Variants in UNC5B observed in about 807,000 individuals in gnomAD.
UNC5B encodes netrin receptor UNC5B.
In UNC5B, 56 loss-of-function variants were observed where a neutral mutation model predicts 103.7. That is an observed-to-expected ratio of 0.54 (90% CI 0.44 to 0.67). The LOEUF (loss-of-function observed/expected upper bound fraction) is 0.67, where lower values mean the gene tolerates loss of function less well. Ranked by LOEUF, UNC5B falls within the 30% of genes least tolerant of loss-of-function variation. UNC5B has a pLI of 0.00. For missense variants in UNC5B, 1,194 were observed against 1,284.5 expected (o/e 0.93, Z 1.08); for synonymous variants, 577 against 542.0 (o/e 1.06, Z -0.90).
At chr10:71,218,579 G>C (rs1405146460) in intron 1 of UNC5B, among the ~76,000 whole-genome samples, 1 of 152,238 alleles carries the variant, frequency 6.6e-6, no homozygotes, top group African/African-American at 2.4e-5. Flanking sequence ...AGGCCTGCCT[G>C]CAGGTGGGTC....
intron 1 of UNC5B, among the ~76,000 whole-genome samples, chr10:71,223,814 C>T (rs1046584296): frequency 4.0e-5 from 6 of 151,440 alleles, no homozygotes; most frequent in Non-Finnish European, 8.9e-5. Flanking sequence ...GACAACTGGC[C>T]GTGAGGCCTG....
intron 1 of UNC5B, among the ~76,000 whole-genome samples, chr10:71,266,708 A>G (rs1296516039): frequency 6.6e-6 from 1 of 152,212 alleles, no homozygotes; most frequent in African/African-American, 2.4e-5. Context: ...GCAGCCTGGA[A>G]GGTCCACTCA....
rs943093641 is a variant in UNC5B at position 71,212,803 on chromosome 10, CGA to C, written c.-181_-180del. 1 of 401,034 alleles carries C rather than the reference CGA, an allele frequency of 2.5e-6. No homozygotes were observed. The highest frequency in any genetic ancestry group is 4.2e-6 in the Non-Finnish European group (1 of 236,256). The allele number at this position is 401,034 out of a possible 1,614,324, so 24.8% of individuals were successfully genotyped here. On this transcript the variant is annotated 5_prime_UTR_variant, in exon 1 of 17. Transcript: ENST00000335350. The stretch of plus-strand genomic sequence containing the variant: ...CCGGCGCCAGGCACCCACCGCGCTC[CGA>C]GTGCCAGGCGGCCCTCCGCGCAGCG...
At chr10:71,296,083 C>G (rs762284261) in intron 14 of UNC5B, 123 bp downstream of exon 14, 1 of 1,371,042 alleles carries the variant, frequency 7.3e-7, no homozygotes, top group Non-Finnish European at 9.9e-7. Flanking sequence ...GGATCTCTCA[C>G]TGTCTCTGTC....
At chr10:71,265,200 T>C (rs1404876371) in intron 1 of UNC5B, among the ~76,000 whole-genome samples, 1 of 152,202 alleles carries the variant, frequency 6.6e-6, no homozygotes, top group Non-Finnish European at 1.5e-5. Flanking sequence ...CTGTAAATGG[T>C]AGCTGTTAAC....
chr10:71,244,687 G>A (rs1350546286), intron 1 of UNC5B, among the ~76,000 whole-genome samples: 1 of 152,226 alleles, frequency 6.6e-6, no homozygotes, highest in Non-Finnish European at 1.5e-5. Flanking sequence ...AGGAGGGAAG[G>A]CGGATCCTGA....
rs370490769 is a variant in UNC5B at position 71,280,053 on chromosome 10, C to G, written c.304+8C>G. On this transcript the variant is annotated splice_region_variant and intron_variant, in intron 2 of 16. Transcript: ENST00000335350. ...GCCTGGATGAGGCCACCGGTGAGCC[C>G]GCCCCACTTGCCTGGGCACCCCAGG... 230 of 1,612,904 alleles carry G rather than the reference C, an allele frequency of 1.4e-4. No homozygotes were observed. Among genetic ancestry groups the G allele is most frequent in the Non-Finnish European group, 1.8e-4 (214 of 1,179,900 alleles).
intron 2 of UNC5B, among the ~76,000 whole-genome samples, chr10:71,282,672 C>T (rs1392966532): frequency 6.6e-6 from 1 of 152,184 alleles, no homozygotes; most frequent in African/African-American, 2.4e-5. Context: ...GAAGCAGCCT[C>T]TTCCCTGGAT....
intron 1 of UNC5B, among the ~76,000 whole-genome samples, chr10:71,219,166 A>T (rs1028034560): frequency 2.0e-5 from 3 of 152,142 alleles, no homozygotes; most frequent in African/African-American, 7.2e-5. Context: ...GTGCAGTCTC[A>T]CTTTGTCCTT....
rs1438706772 is a variant in UNC5B, at chr10:71,293,936, A to G, written c.2175+3A>G. The G allele has an allele frequency of 1.3e-6, 2 of 1,589,514 alleles. No individual in the cohort carries two copies. Among genetic ancestry groups the G allele is most frequent in the South Asian group, 2.2e-5 (2 of 89,548 alleles). On this transcript the variant is annotated splice_donor_region_variant and intron_variant, in intron 13 of 16. Transcript: ENST00000335350. ...AGGACACGCCTGTAGCACTGAAGGT[A>G]GGGCCAGCTGCAGGTGCCCACACAG...
intron 1 of UNC5B, among the ~76,000 whole-genome samples, chr10:71,224,854 C>T (rs892992733): frequency 6.6e-6 from 1 of 152,138 alleles, no homozygotes; most frequent in African/African-American, 2.4e-5. Flanking sequence ...CTGATATTGC[C>T]TTCTTGACAT....
chr10:71,286,567 T>G (rs1845085792), intron 4 of UNC5B, 122 bp from the exon 5 acceptor site: 9 of 1,267,764 alleles, frequency 7.1e-6, no homozygotes, highest in Non-Finnish European at 1.0e-5. Context: ...AGTGCTATAG[T>G]CCCACCAAGG....
At chr10:71,221,927 T>C (rs1440701383) in intron 1 of UNC5B, among the ~76,000 whole-genome samples, 1 of 152,214 alleles carries the variant, frequency 6.6e-6, no homozygotes, top group Non-Finnish European at 1.5e-5. Flanking sequence ...GATTTGGGGA[T>C]AAATGAGATC....
At chr10:71,248,713 T>C (rs1564715651) in intron 1 of UNC5B, among the ~76,000 whole-genome samples, 1 of 152,128 alleles carries the variant, frequency 6.6e-6, no homozygotes, top group African/African-American at 2.4e-5. Context: ...CTCCTAGGCA[T>C]GCACTTTTAC....
intron 1 of UNC5B, among the ~76,000 whole-genome samples, chr10:71,253,884 G>C (rs1844231619): frequency 6.6e-6 from 1 of 152,086 alleles, no homozygotes. Flanking sequence ...GTTAAGATGG[G>C]GATCGCTGCA....
intron 15 of UNC5B, among the ~76,000 whole-genome samples, chr10:71,297,112 A>G (rs916779874): frequency 6.6e-6 from 1 of 152,118 alleles, no homozygotes; most frequent in African/African-American, 2.4e-5. Context: ...GGATACCTCT[A>G]GGGTTTGGGG....
intron 1 of UNC5B, among the ~76,000 whole-genome samples, chr10:71,233,780 C>G (rs895005839): frequency 2.0e-5 from 3 of 152,242 alleles, no homozygotes; most frequent in Non-Finnish European, 2.9e-5. Flanking sequence ...CAGCACCAGA[C>G]AGAAGCCTTT....
At chr10:71,262,709 A>G (rs1287455566) in intron 1 of UNC5B, among the ~76,000 whole-genome samples, 1 of 152,182 alleles carries the variant, frequency 6.6e-6, no homozygotes, top group Non-Finnish European at 1.5e-5. Flanking sequence ...GCAAATGGCC[A>G]CCATCATGAG....
intron 2 of UNC5B, among the ~76,000 whole-genome samples, chr10:71,284,364 C>G (rs531119439): frequency 6.6e-6 from 1 of 152,278 alleles, no homozygotes; most frequent in Admixed American, 6.5e-5. Context: ...GGTGGATGCA[C>G]AGTGCAGCTC....
Sources: allele counts gnomAD v4.1 joint callset (sites outside exome capture counted in the v4.1 genomes callset), GRCh38; gene constraint gnomAD v4.1.1; transcripts MANE v1.5; gene names NCBI Gene and HGNC (gene_info 2026-07-23, HGNC 2026-07-21).